The following ABCC4 variants were observed in gnomAD, a reference collection of about 807,000 sequenced individuals.
ABCC4 encodes ATP binding cassette subfamily C member 4 (PEL blood group), also known as ATP-binding cassette sub-family C member 4.
In ABCC4, 102 loss-of-function variants were observed where a neutral mutation model predicts 168.5. The observed-to-expected ratio is 0.61, with a 90% confidence interval of 0.52 to 0.71. The LOEUF (loss-of-function observed/expected upper bound fraction) is 0.71. Among genes scored for constraint, ABCC4 ranks in the 30% least tolerant of loss-of-function variants. ABCC4 has a pLI of 0.00. For missense variants in ABCC4, 1,402 were observed against 1,605.8 expected, an observed-to-expected ratio of 0.87 and a Z score of 2.17; for synonymous variants, 617 against 590.7, an observed-to-expected ratio of 1.04 and a Z score of -0.65.
chr13:95,281,161 T>C (rs2041113420), intron 1 of ABCC4, among the ~76,000 whole-genome samples: 1 of 151,734 alleles, frequency 6.6e-6, no homozygotes, highest in African/African-American at 2.4e-5. Flanking sequence ...AATACAAAAA[T>C]TAGCTGGGTG....
intron 26 of ABCC4, among the ~76,000 whole-genome samples, chr13:95,060,351 C>T (rs2033239089): frequency 6.6e-6 from 1 of 152,208 alleles, no homozygotes; most frequent in Non-Finnish European, 1.5e-5. Flanking sequence ...CTCAGATGTG[C>T]TTCCAAAACA....
intron 19 of ABCC4, chr13:95,148,917 C>G (rs939548082): frequency 6.6e-6 from 1 of 152,132 alleles, no homozygotes. Context: ...GTCAATTGAG[C>G]TTTAAACTCC....
intron 19 of ABCC4, among the ~76,000 whole-genome samples, chr13:95,130,714 TGGTG>T: frequency 6.6e-6 from 1 of 152,058 alleles, no homozygotes; most frequent in Non-Finnish European, 1.5e-5. Context: ...TTCAAGGAAA[TGGTG>T]AGTTTAAGGG....
intron 19 of ABCC4, among the ~76,000 whole-genome samples, chr13:95,143,195 A>G (rs1045147028): frequency 2.0e-5 from 3 of 152,120 alleles, no homozygotes; most frequent in African/African-American, 4.8e-5. Context: ...GAATTCACCA[A>G]TCTTTCGATT....
At chr13:95,137,667 G>C (rs990264091) in intron 19 of ABCC4, among the ~76,000 whole-genome samples, 9 of 152,270 alleles carry the variant, frequency 5.9e-5, no homozygotes, top group Non-Finnish European at 1.0e-4. Context: ...TCGAAAGATG[G>C]GGGGGAACTC....
rs541722605 is a variant in ABCC4 at position 95,090,293 on chromosome 13, C to T, written c.2536-7003G>A. On this transcript the variant is annotated intron_variant, in intron 20 of 30. Coordinates refer to ENST00000645237, the MANE Select transcript of ABCC4 (RefSeq NM_005845.5). Reference sequence around the variant, plus strand: ...GCTAATGCTCTCTGCAAAGTGCCACCTTCCAACAGGAGGCCAACCAGTACA... The same window carrying T: ...GCTAATGCTCTCTGCAAAGTGCCACTTTCCAACAGGAGGCCAACCAGTACA... 2.6e-5 allele frequency among the ~76,000 whole-genome samples: 4 copies of T among 152,312 alleles called. No homozygotes were observed. The East Asian group carries it at 7.7e-4, about 29-fold the overall frequency.
Position 95,185,602 on chromosome 13 carries a change from A to C in ABCC4, c.1545+1099T>G, listed in dbSNP as rs114834785. Among the ~76,000 whole-genome samples, 849 of 152,342 alleles carry C rather than the reference A, an allele frequency of 5.6e-3. 8 individuals carry two copies. Among genetic ancestry groups the C allele is most frequent in the African/African-American group, 0.019 (785 of 41,580 alleles). On this transcript the variant is annotated intron_variant, in intron 11 of 30. Transcript: ENST00000645237. ...TCTGTGGCGGCCTTTTCCAGACAGC[A>C]TAAAAGAACAGTAGGATGTCCAGGC...
At position 95,054,021 on chromosome 13, in the gene ABCC4, C is replaced by CTTTTTTTTTTTTTT. The variant is rs55980425; in HGVS notation, c.3367-851_3367-838dup. 26 of 71,634 alleles carry CTTTTTTTTTTTTTT rather than the reference C, an allele frequency of 3.6e-4. 1 individual carries two copies. The highest frequency in any genetic ancestry group is 1.8e-3 in the African/African-American group (25 of 13,778). The allele number at this position is 71,634 out of a possible 1,614,324, so 4.4% of individuals were successfully genotyped here. A position where few individuals can be genotyped will look rare whatever the true frequency, so the allele number is the denominator to read the frequency against. ...CTCTCCAATGTCAGAATGGGACATCCTTTTTTTTTTTTTTTTTTTTTTTTT... is the reference window on the plus strand; with the variant it reads ...CTCTCCAATGTCAGAATGGGACATCCTTTTTTTTTTTTTTTTTTTTTTTTTTTTTTTTTTTTTTT... On this transcript the variant is annotated intron_variant, in intron 26 of 30. Transcript: ENST00000645237.
chr13:95,096,651 T>C (rs936619691), intron 20 of ABCC4, among the ~76,000 whole-genome samples: 1 of 151,980 alleles, frequency 6.6e-6, no homozygotes, highest in African/African-American at 2.4e-5. Flanking sequence ...ATGTGATATA[T>C]GTACAGTGCC....
chr13:95,075,314 A>C, intron 22 of ABCC4, 118 bp downstream of exon 22: 1 of 1,375,358 alleles, frequency 7.3e-7, no homozygotes, highest in Non-Finnish European at 1.0e-6. Context: ...GCGCAAAAAA[A>C]GCAGGATGTG....
intron 20 of ABCC4, among the ~76,000 whole-genome samples, chr13:95,099,611 T>C (rs1055797253): frequency 2.6e-5 from 4 of 152,120 alleles, no homozygotes; most frequent in Non-Finnish European, 5.9e-5. Flanking sequence ...TAAGAGATGA[T>C]CTCCTCAGGT....
At chr13:95,300,842 G>A (rs1221737486) in intron 1 of ABCC4, among the ~76,000 whole-genome samples, 1 of 152,248 alleles carries the variant, frequency 6.6e-6, no homozygotes, top group Non-Finnish European at 1.5e-5. Flanking sequence ...AGAGCAGGAG[G>A]CGGGAGCCAG....
chr13:95,181,145 GA>G (rs1477260471), intron 11 of ABCC4, among the ~76,000 whole-genome samples: 3 of 152,236 alleles, frequency 2.0e-5, no homozygotes, highest in Admixed American at 2.0e-4. Flanking sequence ...CACCTTTACT[GA>G]AATGCAGACA....
rs2040912805 is a variant in ABCC4 at position 95,274,089 on chromosome 13, AG to A, written c.75-26337del. ...CTTCTTTTGTAAATTGCCCAGTCTC[AG>A]GTATGTCTTTATCAGCAGCGTGAAA... On this transcript the variant is annotated intron_variant, in intron 1 of 30. Coordinates refer to ENST00000645237, the MANE Select transcript of ABCC4 (RefSeq NM_005845.5). 1.3e-5 allele frequency among the ~76,000 whole-genome samples: 2 copies of A among 152,122 alleles called. 1 individual carries two copies. The highest frequency in any genetic ancestry group is 1.3e-4 in the Admixed American group (2 of 15,260).
At chr13:95,225,153 T>TCA (rs61398515) in intron 4 of ABCC4, among the ~76,000 whole-genome samples, 931 of 35,226 alleles carry the variant, frequency 0.026, 2 homozygotes, top group Non-Finnish European at 0.066. Flanking sequence ...TCTCTCTCTC[T>TCA]CACACACACA....
At chr13:95,218,927 G>GAGAGAA (rs1566539452) in intron 4 of ABCC4, among the ~76,000 whole-genome samples, 11 of 42,436 alleles carry the variant, frequency 2.6e-4, no homozygotes, top group African/African-American at 5.8e-4. Context: ...GAGAAAGAAA[G>GAGAGAA]AGAAAGAAAG....
At chr13:95,207,075 C>T (rs1296950946) in intron 7 of ABCC4, among the ~76,000 whole-genome samples, 6 of 152,230 alleles carry the variant, frequency 3.9e-5, no homozygotes, top group African/African-American at 9.6e-5. Context: ...TCACTCTTGT[C>T]GCCCAGGCAA....
At chr13:95,154,635 T>C (rs2036799337) in intron 19 of ABCC4, among the ~76,000 whole-genome samples, 1 of 152,226 alleles carries the variant, frequency 6.6e-6, no homozygotes, top group Non-Finnish European at 1.5e-5. Context: ...GTCTGAATGG[T>C]GCTGTGTCAA....
intron 3 of ABCC4, among the ~76,000 whole-genome samples, chr13:95,245,212 A>G (rs778968523): frequency 6.6e-6 from 1 of 152,190 alleles, no homozygotes; most frequent in Non-Finnish European, 1.5e-5. Context: ...CTTCTAAATC[A>G]TCCTGTTTTC....
Sources: gnomAD v4.1 joint callset for allele counts (sites outside exome capture counted in the v4.1 genomes callset) on GRCh38, gnomAD v4.1.1 for gene constraint, MANE v1.5 for transcripts, NCBI Gene and HGNC (gene_info 2026-07-23, HGNC 2026-07-21) for gene names.